The following PHIP variants were observed in gnomAD, a reference collection of about 807,000 sequenced individuals.
PHIP encodes PHIP subunit of CUL4-Ring ligase complex.
PHIP carries 54 observed loss-of-function variants against 236.8 expected under a neutral mutation model. That is an observed-to-expected ratio of 0.23 (90% CI 0.18 to 0.29). PHIP has a LOEUF of 0.29. PHIP is among the 10% of genes least tolerant of loss of function. The pLI is 1.00. For missense variants in PHIP, 1,370 were observed against 2,190.8 expected, an observed-to-expected ratio of 0.63 and a Z score of 7.48; for synonymous variants, 756 against 718.9, an observed-to-expected ratio of 1.05 and a Z score of -0.83.
chr6:78,984,982 A>G (rs933038820), intron 22 of PHIP, among the ~76,000 whole-genome samples: 1 of 152,200 alleles, frequency 6.6e-6, no homozygotes, highest in African/African-American at 2.4e-5. Flanking sequence ...TATTCCTCTT[A>G]TCATTAGTAT....
chr6:78,972,911 C>T (rs979859990), intron 24 of PHIP, among the ~76,000 whole-genome samples: 10 of 152,082 alleles, frequency 6.6e-5, no homozygotes, highest in Non-Finnish European at 1.0e-4. Flanking sequence ...GATTGGTGTA[C>T]CTGAAAGTGA....
At chr6:78,973,697 T>C (rs1417362979) in intron 24 of PHIP, among the ~76,000 whole-genome samples, 1 of 150,280 alleles carries the variant, frequency 6.7e-6, no homozygotes, top group South Asian at 2.1e-4. Context: ...ACCAAGCAAA[T>C]GGAAAACAAA....
At chr6:79,053,942 C>G (rs1005642539) in intron 6 of PHIP, among the ~76,000 whole-genome samples, 1 of 152,070 alleles carries the variant, frequency 6.6e-6, no homozygotes, top group Admixed American at 6.6e-5. Context: ...TAAAACACAG[C>G]TAGCTACAAA....
At chr6:78,991,401 C>T (rs1769237517) in intron 19 of PHIP, among the ~76,000 whole-genome samples, 1 of 151,290 alleles carries the variant, frequency 6.6e-6, no homozygotes, top group Non-Finnish European at 1.5e-5. Context: ...ATACAACAGA[C>T]CCTGAGGTTA....
At chr6:78,972,029 G>A (rs1767613107) in intron 24 of PHIP, among the ~76,000 whole-genome samples, 1 of 152,118 alleles carries the variant, frequency 6.6e-6, no homozygotes, top group Non-Finnish European at 1.5e-5. Flanking sequence ...GCCCACCACA[G>A]CTCAAGGAGG....
At chr6:79,012,069 A>G (rs1770605761) in intron 15 of PHIP, among the ~76,000 whole-genome samples, 1 of 151,654 alleles carries the variant, frequency 6.6e-6, no homozygotes, top group Non-Finnish European at 1.5e-5. Context: ...ATTTTTGGCT[A>G]TTTCTAAAAT....
intron 27 of PHIP, among the ~76,000 whole-genome samples, chr6:78,966,325 T>C (rs1359356721): frequency 6.6e-6 from 1 of 152,244 alleles, no homozygotes; most frequent in Non-Finnish European, 1.5e-5. Context: ...GTTTTAGGCA[T>C]TTTTACCAAT....
intron 38 of PHIP, chr6:78,945,738 TGCTA>T: frequency 3.3e-6 from 2 of 601,352 alleles, no homozygotes; most frequent in Non-Finnish European, 5.8e-6. Flanking sequence ...CTTGGCAAAT[TGCTA>T]GCTAGTGTGG....
chr6:78,982,327 T>C (rs977037153), intron 23 of PHIP, among the ~76,000 whole-genome samples: 2 of 152,026 alleles, frequency 1.3e-5, no homozygotes, highest in Admixed American at 1.3e-4. Flanking sequence ...GACCTAATTG[T>C]GGTAATCAAA....
Position 78,961,059 on chromosome 6 carries a change from A to AT in PHIP, c.3656+630dup, listed in dbSNP as rs1766746127. Reference sequence around the variant, plus strand: ...TCCATTATTTAAAAACTATAAACATATTTTTTGACAAAACATTTTAGGTAA... The same window carrying AT: ...TCCATTATTTAAAAACTATAAACATATTTTTTTGACAAAACATTTTAGGTAA... On this transcript the variant is annotated intron_variant, in intron 31 of 39. Coordinates refer to ENST00000275034, the MANE Select transcript of PHIP (RefSeq NM_017934.7). 4.6e-5 allele frequency among the ~76,000 whole-genome samples: 7 copies of AT among 152,170 alleles called. No homozygotes were observed. The South Asian group carries it at 1.5e-3, about 32-fold the overall frequency.
intron 27 of PHIP, among the ~76,000 whole-genome samples, chr6:78,967,221 AAAGTT>A (rs578142201): frequency 4.0e-4 from 61 of 152,346 alleles, no homozygotes; most frequent in Non-Finnish European, 6.5e-4. Flanking sequence ...AGCCAGGAGA[AAAGTT>A]AATAGAACAC....
At chr6:79,024,760 G>A (rs112083029) in intron 9 of PHIP, among the ~76,000 whole-genome samples, 3,330 of 152,182 alleles carry the variant, frequency 0.022, 120 homozygotes, top group African/African-American at 0.076. Flanking sequence ...AGCTGAGATC[G>A]CGACACTGCA....
In PHIP at chr6:78,937,002, C is replaced by A. The variant is rs1052510866; in HGVS notation, c.*3691G>T. The A allele has an allele frequency of 6.6e-6, 1 of 151,720 alleles. No individual in the cohort carries two copies. The highest frequency in any genetic ancestry group is 1.5e-5 in the Non-Finnish European group (1 of 67,674). The allele number at this position is 151,720 out of a possible 1,614,324, so 9.4% of individuals were successfully genotyped here. ...AAGTGTAACAAAACCACTGCTCAAT[C>A]TGTTATGTTAGAAATACTTTTTAGG... On this transcript the variant is annotated 3_prime_UTR_variant, in exon 40 of 40. Transcript: ENST00000275034.
In PHIP at chr6:78,996,821, C is replaced by T. The variant is rs180853855; in HGVS notation, c.2201+593G>A. Among the ~76,000 whole-genome samples the T allele has an allele frequency of 6.3e-4, 96 of 152,138 alleles. 1 individual carries two copies. The South Asian group carries it at 8.1e-3, about 13-fold the overall frequency. Reference sequence around the variant, plus strand: ...ACACACTTCATACACAGAAATCAGCCTTACTTAAGTTCATATAGGCCTCAT... The same window carrying T: ...ACACACTTCATACACAGAAATCAGCTTTACTTAAGTTCATATAGGCCTCAT... On this transcript the variant is annotated intron_variant, in intron 19 of 39. Coordinates refer to ENST00000275034, the MANE Select transcript of PHIP (RefSeq NM_017934.7).
intron 37 of PHIP, 124 bp from the exon 38 acceptor site, chr6:78,946,384 G>T: frequency 7.2e-7 from 1 of 1,385,602 alleles, no homozygotes. Context: ...GAGATTTATA[G>T]TGGATTTCAT....
intron 35 of PHIP, among the ~76,000 whole-genome samples, chr6:78,949,989 T>C (rs568417426): frequency 5.9e-5 from 9 of 152,014 alleles, no homozygotes; most frequent in Non-Finnish European, 1.3e-4. Context: ...ATGCTTGGCC[T>C]GGGACTCGAG....
rs34609668 is a variant in PHIP at position 78,940,776 on chromosome 6, T to G, written c.5383A>C (p.Thr1795Pro). ...EEQRQLLFED[T>P]SLTFGTSSRG... ...CTAGAAGTTCCAAAAGTTAAAGAGG[T>G]GTCTTCGAACAACAGCTGCCTTTGC... Residue 1795 changes from threonine to proline, a missense_variant, in exon 40 of 40, where the codon ACC becomes CCC. Physicochemically the swap from Thr to Pro is conservative, Grantham distance 38. Around this residue, in one of 14 missense-constraint regions of PHIP, gnomAD observed 30 missense variants for 68.2 expected, o/e 0.44. Coordinates refer to ENST00000275034, the MANE Select transcript of PHIP (RefSeq NM_017934.7). 4 of 1,613,712 alleles carry G rather than the reference T, an allele frequency of 2.5e-6. No homozygotes were observed. The South Asian group carries it at 4.4e-5, about 18-fold the overall frequency.
intron 19 of PHIP, among the ~76,000 whole-genome samples, chr6:78,996,476 A>T (rs947697254): frequency 2.4e-4 from 37 of 152,354 alleles, no homozygotes; most frequent in African/African-American, 8.7e-4. Context: ...GTGTTGAAAA[A>T]ATGGGCATTA....
intron 7 of PHIP, 112 bp from the exon 8 acceptor site, chr6:79,026,276 T>A: frequency 1.3e-6 from 1 of 778,466 alleles, no homozygotes; most frequent in Admixed American, 2.3e-5. Flanking sequence ...TATTTTTAAA[T>A]ACCAAAAAGT....
Sources: allele counts gnomAD v4.1 joint callset (sites outside exome capture counted in the v4.1 genomes callset), GRCh38; gene constraint gnomAD v4.1.1; regional missense constraint gnomAD v4.1.1; transcripts MANE v1.5; gene names NCBI Gene and HGNC (gene_info 2026-07-23, HGNC 2026-07-21).